Variants in DHRS7 observed in about 807,000 individuals in gnomAD.
DHRS7 encodes the protein dehydrogenase/reductase 7.
A neutral mutation model predicts 38.9 loss-of-function variants in DHRS7; 34 were observed. The observed-to-expected ratio is 0.87, with a 90% confidence interval of 0.66 to 1.16. DHRS7 has a LOEUF of 1.16. DHRS7 is among the 50% of genes most tolerant of loss of function. The pLI is 0.00. For missense variants in DHRS7, 421 were observed against 407.0 expected, an observed-to-expected ratio of 1.03 and a Z score of -0.30; for synonymous variants, 158 against 153.1, an observed-to-expected ratio of 1.03 and a Z score of -0.24.
intron 1 of DHRS7, among the ~76,000 whole-genome samples, chr14:60,158,562 G>A (rs905001536): frequency 6.6e-6 from 1 of 152,204 alleles, no homozygotes; most frequent in African/African-American, 2.4e-5. Context: ...AAAGCTGATG[G>A]TGTAAACTTT....
At chr14:60,164,823 G>A (rs1180906609) in intron 1 of DHRS7, among the ~76,000 whole-genome samples, 1 of 152,142 alleles carries the variant, frequency 6.6e-6, no homozygotes, top group African/African-American at 2.4e-5. Context: ...TCAAAGTATC[G>A]TCCTCTGAGA....
chr14:60,156,059 G>C lies in DHRS7; in HGVS notation c.227C>G (p.Ser76Cys). ...CACTCTTCTGGCTGACAGCACAAGA[G>C]AAACTCCTAGTTTAGACAACTGGTA... ...LAYQLSKLGV[S>C]LVLSARRVHE... is the part of the protein sequence containing the mutation. The change falls in exon 2 of 7, where the codon TCT becomes TGT. Residue 76 changes from serine (S) to cysteine (C), a missense_variant. Physicochemically the swap from Ser to Cys is moderately radical, Grantham distance 112. Coordinates refer to ENST00000557185, the MANE Select transcript of DHRS7 (RefSeq NM_016029.4). 6.2e-7 allele frequency: 1 copy of C among 1,606,070 alleles called. No homozygotes were observed. The highest frequency in any genetic ancestry group is 2.3e-5 in the East Asian group (1 of 44,226).
At chr14:60,168,203 T>C (rs1484683008), upstream of DHRS7, among the ~76,000 whole-genome samples, 1 of 152,228 alleles carries the variant, frequency 6.6e-6, no homozygotes, top group East Asian at 1.9e-4. Context: ...CACATGCAGT[T>C]CCCCATATCA....
rs1375113756 is a variant in DHRS7, at chr14:60,161,860, G to C, written c.133+3317C>G. ...ACAAGCAGCTAGTCAGGAGACATCTGTTGTTTGCAGTTGTTGCTTCAGACA... is the reference window on the plus strand; with the variant it reads ...ACAAGCAGCTAGTCAGGAGACATCTCTTGTTTGCAGTTGTTGCTTCAGACA... On this transcript the variant is annotated intron_variant, in intron 1 of 6. Transcript: ENST00000557185. This position sits in a 1 kb window ranked among gnomAD's most constrained non-coding sequence, Gnocchi z 4.2. Among the ~76,000 whole-genome samples, 1 of 152,198 alleles carries C rather than the reference G, an allele frequency of 6.6e-6. No homozygotes were observed. The highest frequency in any genetic ancestry group is 2.4e-5 in the African/African-American group (1 of 41,444).
rs771870701 is a variant in DHRS7 at position 60,153,321 on chromosome 14, GATAAA to G, written c.394-148_394-144del. ...ATTTCCAGAAGTCAGCAATTAAAAA[GATAAA>G]ATAAAGCCCTGAATTTACCTGTGGA... On this transcript the variant is annotated intron_variant, in intron 3 of 6. Transcript: ENST00000557185. The surrounding 1 kb of genome is among the most constrained non-coding windows in gnomAD (Gnocchi z 4.4). 206 of 1,060,746 alleles carry G rather than the reference GATAAA, an allele frequency of 1.9e-4. No individual in the cohort carries two copies. Among genetic ancestry groups the G allele is most frequent in the Non-Finnish European group, 2.4e-4 (182 of 755,044 alleles). The allele number at this position is 1,060,746 out of a possible 1,614,324, so 65.7% of individuals were successfully genotyped here.
Position 60,165,275 on chromosome 14 carries a change from A to C in DHRS7, c.35T>G (p.Leu12Arg). The change falls in exon 1 of 7, where the codon CTG becomes CGG. Residue 12 changes from leucine (L) to arginine (R), a missense_variant. Physicochemically the swap from Leu to Arg is moderately radical, Grantham distance 102. Coordinates refer to ENST00000557185, the MANE Select transcript of DHRS7 (RefSeq NM_016029.4). This position sits in a 1 kb window ranked among gnomAD's most constrained non-coding sequence, Gnocchi z 4.6. ...CACCAAGAGCAGGAGCAGCGCGCAC[A>C]GCACCAGCAGCCACAGCAGCAGCTC... ...NWELLLWLLVLCALLLLLVQL... is the reference protein window; with the variant it reads ...NWELLLWLLVRCALLLLLVQL... The C allele has an allele frequency of 6.2e-7, 1 of 1,600,132 alleles. No individual in the cohort carries two copies. Among genetic ancestry groups the C allele is most frequent in the Non-Finnish European group, 8.5e-7 (1 of 1,175,978 alleles).
At position 60,153,037 on chromosome 14, in the gene DHRS7, C is replaced by G; in HGVS notation, c.535G>C (p.Glu179Gln). 1 of 1,614,162 alleles carries G rather than the reference C, an allele frequency of 6.2e-7. No individual in the cohort carries two copies. Among genetic ancestry groups the G allele is most frequent in the Non-Finnish European group, 8.5e-7 (1 of 1,180,026 alleles). Residue 179 changes from glutamate to glutamine, a missense_variant, in exon 4 of 7, where the codon GAG becomes CAG. Coordinates refer to ENST00000557185, the MANE Select transcript of DHRS7 (RefSeq NM_016029.4). The surrounding 1 kb of genome is among the most constrained non-coding windows in gnomAD (Gnocchi z 4.4). ...LTKCVLPHMI[E>Q]RKQGKIVTVN... ...GTAACAATCTTTCCTTGCTTCCTCT[C>G]GATCATGTGAGGCAGAACACATTTT...
chr14:60,146,805 TAAGC>T lies in DHRS7; in HGVS notation c.973-1796_973-1793del, dbSNP rs1307191726. ...GAATGGACGTTAATGCTAAGTGATA[TAAGC>T]AAGATACAGAAAAACAAGTACTATG... On this transcript the variant is annotated intron_variant, in intron 6 of 6. Coordinates refer to ENST00000557185, the MANE Select transcript of DHRS7 (RefSeq NM_016029.4). The surrounding 1 kb of genome is among the most constrained non-coding windows in gnomAD (Gnocchi z 4.9). 2.0e-5 allele frequency: 3 copies of T among 152,176 alleles called. No individual in the cohort carries two copies. In the South Asian group the frequency reaches 6.2e-4, roughly 31 times the overall value. The allele number at this position is 152,176 out of a possible 1,614,324, so 9.4% of individuals were successfully genotyped here. A position where few individuals can be genotyped will look rare whatever the true frequency, so the allele number is the denominator to read the frequency against.
chr14:60,155,131 C>T (rs1486389229), intron 2 of DHRS7, among the ~76,000 whole-genome samples: 1 of 152,134 alleles, frequency 6.6e-6, no homozygotes, highest in Non-Finnish European at 1.5e-5. Flanking sequence ...AAAATAATAA[C>T]TTTATACTTG....
chr14:60,156,112 G>A lies in DHRS7; in HGVS notation c.174C>T (p.Ala58=). The change falls in exon 2 of 7, where the codon GCC becomes GCT. Residue 58 remains alanine (A), a synonymous_variant. Transcript: ENST00000557185. ...CCAGCTCCTCACCAATTCCACTCGA[G>A]GCTCCAGTCACCCACACCACCATAT... ...LTDMVVWVTG[A]SSGIGEELAY... 2 of 1,599,250 alleles carry A rather than the reference G, an allele frequency of 1.3e-6. No individual in the cohort carries two copies. Among genetic ancestry groups the A allele is most frequent in the Non-Finnish European group, 1.7e-6 (2 of 1,172,760 alleles).
chr14:60,161,556 A>G lies in DHRS7; in HGVS notation c.133+3621T>C, dbSNP rs544990808. Among the ~76,000 whole-genome samples the G allele has an allele frequency of 6.6e-6, 1 of 152,126 alleles. No individual in the cohort carries two copies. Among genetic ancestry groups the G allele is most frequent in the Non-Finnish European group, 1.5e-5 (1 of 67,984 alleles). ...CTCTAAGGCTAAATAAACCTATCCA[A>G]TTTCTGCCACCTTCCCTCACATGAC... is the stretch of plus-strand genomic sequence containing the variant. On this transcript the variant is annotated intron_variant, in intron 1 of 6. Coordinates refer to ENST00000557185, the MANE Select transcript of DHRS7 (RefSeq NM_016029.4). The surrounding 1 kb of genome is among the most constrained non-coding windows in gnomAD (Gnocchi z 4.2).
rs112661897 is a variant in DHRS7, at chr14:60,165,333, G to T, written c.-24C>A. On this transcript the variant is annotated 5_prime_UTR_variant, in exon 1 of 7. Coordinates refer to ENST00000557185, the MANE Select transcript of DHRS7 (RefSeq NM_016029.4). The surrounding 1 kb of genome is among the most constrained non-coding windows in gnomAD (Gnocchi z 4.6). Reference sequence around the variant, plus strand: ...ATTGCGGCCGCGCACGCCCAGCTCGGGGGGAAGAAGACGGCCCGCACCAGA... The same window carrying T: ...ATTGCGGCCGCGCACGCCCAGCTCGTGGGGAAGAAGACGGCCCGCACCAGA... 6.4e-7 allele frequency: 1 copy of T among 1,560,536 alleles called. No individual in the cohort carries two copies. The highest frequency in any genetic ancestry group is 1.2e-5 in the South Asian group (1 of 86,084).
At chr14:60,169,142 A>AAC (rs1896902478), upstream of DHRS7, 1 of 142,122 alleles carries the variant, frequency 7.0e-6, no homozygotes, top group Non-Finnish European at 1.5e-5. Context: ...CCAAAAAAAA[A>AAC]AAAAAAAAAA....
In DHRS7 at chr14:60,153,055, C is replaced by A; in HGVS notation, c.517G>T (p.Val173Phe). 6.2e-7 allele frequency: 1 copy of A among 1,614,214 alleles called. No individual in the cohort carries two copies. The highest frequency in any genetic ancestry group is 2.2e-5 in the East Asian group (1 of 44,890). The part of the protein sequence containing the change: ...YLGTVSLTKC[V>F]LPHMIERKQG... ...TTCCTCTCGATCATGTGAGGCAGAA[C>A]ACATTTTGTCAAGGACACCGTCCCT... The change falls in exon 4 of 7, where the codon GTT becomes TTT. Residue 173 changes from valine (V) to phenylalanine (F), a missense_variant. Val to Phe is a conservative substitution (Grantham distance 50, BLOSUM62 -1). Coordinates refer to ENST00000557185, the MANE Select transcript of DHRS7 (RefSeq NM_016029.4). This position sits in a 1 kb window ranked among gnomAD's most constrained non-coding sequence, Gnocchi z 4.4.
Position 60,162,876 on chromosome 14 carries a change from A to G in DHRS7, c.133+2301T>C, listed in dbSNP as rs1305132839. On this transcript the variant is annotated intron_variant, in intron 1 of 6. Transcript: ENST00000557185. The surrounding 1 kb of genome is among the most constrained non-coding windows in gnomAD (Gnocchi z 4.5). ...GCTTTATACATAAAAGGAGTTCTAT[A>G]AAGTTTACTCCTGCCAGGCGCAGTG... Among the ~76,000 whole-genome samples, 2 of 152,162 alleles carry G rather than the reference A, an allele frequency of 1.3e-5. No homozygotes were observed. The highest frequency in any genetic ancestry group is 1.5e-5 in the Non-Finnish European group (1 of 68,036).
chr14:60,159,234 A>T, intron 1 of DHRS7: 1 of 379,890 alleles, frequency 2.6e-6, no homozygotes, highest in Non-Finnish European at 5.2e-6. Context: ...CTCAAGCTAA[A>T]ATCAGAAAAC....
At chr14:60,167,410 C>A (rs1470040240), upstream of DHRS7, among the ~76,000 whole-genome samples, 1 of 152,224 alleles carries the variant, frequency 6.6e-6, no homozygotes, top group East Asian at 1.9e-4. Context: ...TTTTCTATAA[C>A]TGGTAACCTT....
At chr14:60,168,672 C>CT (rs1394677378), upstream of DHRS7, 2 of 1,543,874 alleles carry the variant, frequency 1.3e-6, no homozygotes, top group Non-Finnish European at 1.7e-6. Flanking sequence ...CTCTCCTTCT[C>CT]TTTTTTCTCC....
chr14:60,169,022 C>T, upstream of DHRS7: 1 of 267,160 alleles, frequency 3.7e-6, no homozygotes, highest in Admixed American at 5.3e-5. Flanking sequence ...TTGAGACTGC[C>T]TGGAAGGCAG....
Sources: allele counts gnomAD v4.1 joint callset (sites outside exome capture counted in the v4.1 genomes callset), GRCh38; gene constraint gnomAD v4.1.1; non-coding constraint Gnocchi (gnomAD v3.1); transcripts MANE v1.5; gene names NCBI Gene and HGNC (gene_info 2026-07-23, HGNC 2026-07-21).